AR: variants seen among roughly 807,000 people sequenced by gnomAD.
The protein encoded by AR is dihydrotestosterone receptor.
AR carries 8 observed loss-of-function variants against 53.9 expected under a neutral mutation model. That is an observed-to-expected ratio of 0.15 (90% CI 0.09 to 0.27). The LOEUF is 0.27. Ranked by LOEUF, AR falls within the 10% of genes least tolerant of loss-of-function variation. The pLI, the probability that AR is intolerant of heterozygous loss-of-function variation, is 1.00. For missense variants in AR, 639 were observed against 742.5 expected (o/e 0.86, Z 1.62); for synonymous variants, 359 against 316.4 (o/e 1.13, Z -1.43).
At chrX:67,628,124 T>C (rs1471179175) in intron 1 of AR, among the ~76,000 whole-genome samples, 1 of 111,430 alleles carries the variant, frequency 9.0e-6, no homozygotes, top group Admixed American at 9.6e-5. Flanking sequence ...ATGTGGGCTC[T>C]TTTTTGGTTC....
chrX:67,650,542 C>T (rs1926285881), intron 2 of AR, among the ~76,000 whole-genome samples: 1 of 112,222 alleles, frequency 8.9e-6, no homozygotes, highest in Admixed American at 9.4e-5. Context: ...GCATACTGCT[C>T]CTCAAAATAA....
intron 2 of AR, among the ~76,000 whole-genome samples, chrX:67,685,739 C>T (rs1433499802): frequency 1.8e-5 from 2 of 111,076 alleles, no homozygotes; most frequent in Non-Finnish European, 3.8e-5. Context: ...ATTTTAAAAA[C>T]CATTGAGTAG....
At position 67,592,325 on chromosome X, in the gene AR, G is replaced by A. The variant is rs189488388; in HGVS notation, c.1616+45563G>A. 7.1e-5 allele frequency among the ~76,000 whole-genome samples: 8 copies of A among 111,990 alleles called. No homozygotes were observed. The East Asian group carries it at 2.2e-3, about 31-fold the overall frequency. ...GCAAGCACAATATAGGGCAATCCAG[G>A]TTTACACAAAGGATTAATTTGGGAA... is the stretch of plus-strand genomic sequence containing the variant. On this transcript the variant is annotated intron_variant, in intron 1 of 7. Transcript: ENST00000374690.
intron 1 of AR, among the ~76,000 whole-genome samples, chrX:67,627,035 G>T (rs1372623043): frequency 1.9e-5 from 2 of 107,196 alleles, no homozygotes; most frequent in Admixed American, 2.0e-4. Context: ...TATCATTGTT[G>T]GACATTTGGG....
intron 2 of AR, among the ~76,000 whole-genome samples, chrX:67,673,367 CTG>C (rs2075878093): frequency 1.9e-5 from 1 of 52,129 alleles, no homozygotes; most frequent in South Asian, 2.7e-3. Context: ...CTTTCTCTCT[CTG>C]TCTCTCTCTC....
chrX:67,546,787 C>T (rs2147323505), intron 1 of AR, 25 bp downstream of exon 1: 1 of 1,185,884 alleles, frequency 8.4e-7, no homozygotes, highest in Non-Finnish European at 1.1e-6. Context: ...CCAGAAATGT[C>T]GCCTTTCGGC....
intron 1 of AR, among the ~76,000 whole-genome samples, chrX:67,627,008 A>G (rs915556492): frequency 3.8e-5 from 4 of 105,484 alleles, no homozygotes; most frequent in African/African-American, 1.4e-4. Flanking sequence ...TATGTGCCAC[A>G]TTTTCTTAAT....
intron 1 of AR, among the ~76,000 whole-genome samples, chrX:67,627,769 G>T (rs2147406840): frequency 9.0e-6 from 1 of 111,588 alleles, no homozygotes; most frequent in Admixed American, 9.5e-5. Flanking sequence ...TATGGTTTTA[G>T]GTCTAACGTT....
At position 67,722,910 on chromosome X, in the gene AR, T is replaced by C; in HGVS notation, c.2533T>C (p.Cys845Arg). ...YIKELDRIIA[C>R]KRKNPTSCSR... is the part of the protein sequence containing the mutation. ...CAAGGAACTCGATCGTATCATTGCATGCAAAAGAAAAAATCCCACATCCTG... is the reference window on the plus strand; with the variant it reads ...CAAGGAACTCGATCGTATCATTGCACGCAAAAGAAAAAATCCCACATCCTG... Residue 845 changes from cysteine to arginine, a missense_variant, in exon 7 of 8, where the codon TGC becomes CGC. Around this residue, in one of 5 missense-constraint regions of AR, gnomAD observed 95 missense variants for 196.4 expected, o/e 0.48. Coordinates refer to ENST00000374690, the MANE Select transcript of AR (RefSeq NM_000044.6). The C allele has an allele frequency of 2.5e-6, 3 of 1,211,327 alleles. No individual in the cohort carries two copies. Among genetic ancestry groups the C allele is most frequent in the Non-Finnish European group, 3.4e-6 (3 of 895,152 alleles).
intron 1 of AR, among the ~76,000 whole-genome samples, chrX:67,627,952 T>C (rs1027854182): frequency 1.8e-5 from 2 of 111,720 alleles, no homozygotes; most frequent in African/African-American, 6.5e-5. Flanking sequence ...GTTGTAGATA[T>C]GCGGCATTAT....
chrX:67,663,172 G>T (rs748568547), intron 2 of AR, among the ~76,000 whole-genome samples: 3 of 111,618 alleles, frequency 2.7e-5, no homozygotes, highest in East Asian at 2.8e-4. Context: ...TCATTATGAT[G>T]TTAGCTGGTT....
intron 3 of AR, chrX:67,689,690 G>T: frequency 2.3e-6 from 2 of 870,188 alleles, no homozygotes; most frequent in Non-Finnish European, 2.8e-6. Flanking sequence ...TTCATTCCTG[G>T]CTGCATTTGA....
At chrX:67,640,557 G>A (rs749624785) in intron 1 of AR, among the ~76,000 whole-genome samples, 9 of 110,925 alleles carry the variant, frequency 8.1e-5, no homozygotes, top group South Asian at 3.9e-4. Context: ...GGGTATATGC[G>A]TTCAGGAATT....
At chrX:67,572,356 CAT>C (rs1392699894) in intron 1 of AR, among the ~76,000 whole-genome samples, 1 of 111,369 alleles carries the variant, frequency 9.0e-6, no homozygotes, top group East Asian at 2.8e-4. Flanking sequence ...GCACATGCAA[CAT>C]AGAGTGTTCA....
intron 1 of AR, among the ~76,000 whole-genome samples, chrX:67,562,301 C>A (rs1280257286): frequency 1.8e-5 from 2 of 108,215 alleles, no homozygotes; most frequent in Non-Finnish European, 3.8e-5. Context: ...TTTCACCCTT[C>A]ATCAGAAGTT....
intron 3 of AR, among the ~76,000 whole-genome samples, chrX:67,705,103 G>A (rs976306478): frequency 7.2e-5 from 8 of 111,193 alleles, no homozygotes; most frequent in African/African-American, 2.0e-4. Flanking sequence ...TTGTTCTTTT[G>A]GCTTAGGATT....
In AR at chrX:67,544,479, T is replaced by C. The variant is rs1929614422; in HGVS notation, c.-668T>C. 1.6e-5 allele frequency: 1 copy of C among 60,820 alleles called. No individual in the cohort carries two copies. The highest frequency in any genetic ancestry group is 2.9e-5 in the Non-Finnish European group (1 of 34,817). The allele number at this position is 60,820 out of a possible 1,213,427, so 5.0% of individuals were successfully genotyped here. A position where few individuals can be genotyped will look rare whatever the true frequency, so the allele number is the denominator to read the frequency against. On this transcript the variant is annotated 5_prime_UTR_variant, in exon 1 of 8. Coordinates refer to ENST00000374690, the MANE Select transcript of AR (RefSeq NM_000044.6). ...CCCCCCGCCCCCGTCGGCCCAGCGC[T>C]GCCAGCCCGAGTTTGCAGAGAGGTA...
At chrX:67,692,173 C>A (rs2032440492) in intron 3 of AR, among the ~76,000 whole-genome samples, 1 of 112,183 alleles carries the variant, frequency 8.9e-6, no homozygotes, top group Non-Finnish European at 1.9e-5. Context: ...TGAATCCCCT[C>A]TACTTCCTGT....
chrX:67,623,644 G>A (rs886275717), intron 1 of AR, among the ~76,000 whole-genome samples: 2 of 109,894 alleles, frequency 1.8e-5, no homozygotes, highest in Non-Finnish European at 3.8e-5. Flanking sequence ...AAGACTAAAA[G>A]GGAAATAAAT....
Sources: allele counts gnomAD v4.1 joint callset (sites outside exome capture counted in the v4.1 genomes callset), GRCh38; gene constraint gnomAD v4.1.1; regional missense constraint gnomAD v4.1.1; transcripts MANE v1.5; gene names NCBI Gene and HGNC (gene_info 2026-07-23, HGNC 2026-07-21).